Variants in CDC34 observed in about 807,000 individuals in gnomAD.
The protein encoded by CDC34 is cell division cycle 34, ubiquitin conjugating enzyme, also known as ubiquitin-conjugating enzyme E2 R1.
CDC34 carries 18 observed loss-of-function variants against 26.8 expected under a neutral mutation model. The observed-to-expected ratio is 0.67, with a 90% CI of 0.47 to 1.00. CDC34 has a LOEUF of 1.00. Ranked by LOEUF, CDC34 falls within the 50% of genes least tolerant of loss-of-function variation. CDC34 has a pLI of 0.00. For missense variants in CDC34, 280 were observed against 334.5 expected, an observed-to-expected ratio of 0.84 and a Z score of 1.27; for synonymous variants, 178 against 147.5, an observed-to-expected ratio of 1.21 and a Z score of -1.50.
intron 1 of CDC34, among the ~76,000 whole-genome samples, chr19:535,452 G>T (rs1159336226): frequency 6.6e-6 from 1 of 152,234 alleles, no homozygotes; most frequent in Non-Finnish European, 1.5e-5. Context: ...CATCCAAGGG[G>T]AGCCTGGAGC....
rs17425573 is a variant in CDC34, at chr19:537,718, C to T, written c.497+571C>T. Among the ~76,000 whole-genome samples, 136 of 132,458 alleles carry T rather than the reference C, an allele frequency of 1.0e-3. 1 individual carries two copies. In the East Asian group the frequency reaches 0.026, roughly 25 times the overall value. 86.9% of individuals were successfully genotyped at this position (132,458 alleles called of 152,430 possible). On this transcript the variant is annotated intron_variant, in intron 4 of 4. Coordinates refer to ENST00000215574, the MANE Select transcript of CDC34 (RefSeq NM_004359.2). ...TTGCCTAGGCTGCAGTGCAGTGGTG[C>T]GATCTCGGCTCACTGCAGCCTCCAC...
chr19:537,512 C>T (rs1302966852), intron 4 of CDC34, among the ~76,000 whole-genome samples: 2 of 152,108 alleles, frequency 1.3e-5, no homozygotes, highest in African/African-American at 2.4e-5. Flanking sequence ...GTCACCACGC[C>T]CGGCTAATTT....
At chr19:541,083 G>A in intron 4 of CDC34, 1 of 450,048 alleles carries the variant, frequency 2.2e-6, no homozygotes, top group Non-Finnish European at 3.9e-6. Flanking sequence ...TTGTGCTTCG[G>A]GGCGGGGCAG....
Position 539,057 on chromosome 19 carries a change from A to G in CDC34, c.497+1910A>G, listed in dbSNP as rs1979893842. 5 of 958,690 alleles carry G rather than the reference A, an allele frequency of 5.2e-6. No individual in the cohort carries two copies. The South Asian group carries it at 1.9e-4, about 37-fold the overall frequency. 59.4% of individuals were successfully genotyped at this position (958,690 alleles called of 1,614,324 possible). ...CAAAACTCCCTGTGGGCCAACACAC[A>G]TGTGCCATGTGGACTCTGCTGTGGT... is the stretch of plus-strand genomic sequence containing the variant. On this transcript the variant is annotated intron_variant, in intron 4 of 4. Coordinates refer to ENST00000215574, the MANE Select transcript of CDC34 (RefSeq NM_004359.2).
Position 535,975 on chromosome 19 carries a change from G to C in CDC34, c.264+52G>C, listed in dbSNP as rs1161573352. The C allele has an allele frequency of 2.0e-6, 3 of 1,524,914 alleles. No homozygotes were observed. The Admixed American group carries it at 5.0e-5, about 25-fold the overall frequency. The allele number at this position is 1,524,914 out of a possible 1,614,324, so 94.5% of individuals were successfully genotyped here. On this transcript the variant is annotated intron_variant, in intron 2 of 4. Coordinates refer to ENST00000215574, the MANE Select transcript of CDC34 (RefSeq NM_004359.2). ...GTCCTCATCCTCCGGGACCCAGGGTGCTGGGAGCCTCACGTCCTCATCCTT... is the reference window on the plus strand; with the variant it reads ...GTCCTCATCCTCCGGGACCCAGGGTCCTGGGAGCCTCACGTCCTCATCCTT...
chr19:536,982 GCCGC>G, intron 3 of CDC34, 27 bp from the exon 4 acceptor site: 1 of 1,612,834 alleles, frequency 6.2e-7, no homozygotes, highest in Admixed American at 1.7e-5. Context: ...GGTGCCCCGG[GCCGC>G]CCCACTCCGA....
chr19:533,692 T>C (rs17841737), intron 1 of CDC34, among the ~76,000 whole-genome samples: 2,457 of 152,320 alleles, frequency 0.016, 32 homozygotes, highest in Non-Finnish European at 0.021. Context: ...TTGCCAGGGA[T>C]TGTGGGCAGA....
chr19:532,635 T>C (rs1979549889), intron 1 of CDC34, among the ~76,000 whole-genome samples: 1 of 152,020 alleles, frequency 6.6e-6, no homozygotes, highest in African/African-American at 2.4e-5. Flanking sequence ...GAGGCCAGCC[T>C]GGGGGTGGCT....
chr19:541,625 T>A lies in CDC34; in HGVS notation c.*73T>A. The A allele has an allele frequency of 6.8e-7, 1 of 1,460,366 alleles. No individual in the cohort carries two copies. The highest frequency in any genetic ancestry group is 1.4e-5 in the South Asian group (1 of 70,570). The allele number at this position is 1,460,366 out of a possible 1,614,324, so 90.5% of individuals were successfully genotyped here. ...GTGGCTCCTTAGACGACAGACTACC[T>A]CACGGAGGTTTTGTGCTGGTCCCCG... On this transcript the variant is annotated 3_prime_UTR_variant, in exon 5 of 5. Coordinates refer to ENST00000215574, the MANE Select transcript of CDC34 (RefSeq NM_004359.2).
chr19:539,387 C>A (rs1210563852), intron 4 of CDC34, among the ~76,000 whole-genome samples: 1 of 151,902 alleles, frequency 6.6e-6, no homozygotes, highest in African/African-American at 2.4e-5. Context: ...CCTGCGTCTC[C>A]CCACTGCTGC....
Position 537,161 on chromosome 19 carries a change from G to A in CDC34, c.497+14G>A. ...AGACATCATCCGGTGAGGGCGGGCG[G>A]GGGCGTCACGGGAGGAGAGACTCAG... On this transcript the variant is annotated intron_variant, in intron 4 of 4. Coordinates refer to ENST00000215574, the MANE Select transcript of CDC34 (RefSeq NM_004359.2). The A allele has an allele frequency of 6.2e-7, 1 of 1,611,758 alleles. No homozygotes were observed. The highest frequency in any genetic ancestry group is 1.1e-5 in the South Asian group (1 of 90,992).
Position 541,568 on chromosome 19 carries a change from C to G in CDC34, c.*16C>G, listed in dbSNP as rs778649386. 1 of 1,553,024 alleles carries G rather than the reference C, an allele frequency of 6.4e-7. No homozygotes were observed. Among genetic ancestry groups the G allele is most frequent in the South Asian group, 1.2e-5 (1 of 83,010 alleles). On this transcript the variant is annotated 3_prime_UTR_variant, in exon 5 of 5. Transcript: ENST00000215574. ...GGAGTCCTGACACCACCAGAATAAACTTGCCGAGTTTACCTCACTAGGGCC... is the reference window on the plus strand; with the variant it reads ...GGAGTCCTGACACCACCAGAATAAAGTTGCCGAGTTTACCTCACTAGGGCC...
intron 4 of CDC34, chr19:538,850 A>G (rs1421259189): frequency 4.1e-6 from 4 of 984,632 alleles, no homozygotes; most frequent in Non-Finnish European, 3.6e-6. Context: ...TGGCCTCTGG[A>G]GGTCACAGGG....
chr19:536,399 C>G, intron 3 of CDC34, 59 bp downstream of exon 3: 3 of 1,298,186 alleles, frequency 2.3e-6, no homozygotes, highest in South Asian at 2.6e-5. Context: ...GGCTCCGTCC[C>G]GTATCCACCC....
At position 539,854 on chromosome 19, in the gene CDC34, G is replaced by A. The variant is rs184453203; in HGVS notation, c.498-1485G>A. ...AGGTGGAGCCGGGGGCAGGTTCCTC[G>A]TAGGTCCTGGTGTGCGCGGTGCAGC... On this transcript the variant is annotated intron_variant, in intron 4 of 4. Transcript: ENST00000215574. Among the ~76,000 whole-genome samples, 45 of 152,312 alleles carry A rather than the reference G, an allele frequency of 3.0e-4. No individual in the cohort carries two copies. The East Asian group carries it at 3.7e-3, about 12-fold the overall frequency.
At position 541,098 on chromosome 19, in the gene CDC34, G is replaced by A. The variant is rs1236789736; in HGVS notation, c.498-241G>A. Reference sequence around the variant, plus strand: ...TTGTGCTTCGGGGCGGGGCAGGCGGGTGTGACTGCACTGCGCCCGTCCAGC... The same window carrying A: ...TTGTGCTTCGGGGCGGGGCAGGCGGATGTGACTGCACTGCGCCCGTCCAGC... On this transcript the variant is annotated intron_variant, in intron 4 of 4. Coordinates refer to ENST00000215574, the MANE Select transcript of CDC34 (RefSeq NM_004359.2). 1.8e-4 allele frequency: 88 copies of A among 490,640 alleles called. No homozygotes were observed. In the South Asian group the frequency reaches 2.5e-3, roughly 14 times the overall value. 30.4% of individuals were successfully genotyped at this position (490,640 alleles called of 1,614,324 possible).
chr19:541,659 GGTT>G lies in CDC34; in HGVS notation c.*111_*113del. On this transcript the variant is annotated 3_prime_UTR_variant, in exon 5 of 5. Transcript: ENST00000215574. ...TTTTGTGCTGGTCCCCGTCTCCTCT[GGTT>G]GTTTCGTTTTGGCTTTTTCTCCCTC... 7.6e-7 allele frequency: 1 copy of G among 1,319,038 alleles called. No individual in the cohort carries two copies. Among genetic ancestry groups the G allele is most frequent in the Non-Finnish European group, 1.0e-6 (1 of 988,806 alleles). 81.7% of individuals were successfully genotyped at this position (1,319,038 alleles called of 1,614,324 possible). A position where few individuals can be genotyped will look rare whatever the true frequency, so the allele number is the denominator to read the frequency against.
intron 1 of CDC34, among the ~76,000 whole-genome samples, chr19:535,569 T>A (rs889959654): frequency 6.6e-6 from 1 of 152,130 alleles, no homozygotes; most frequent in African/African-American, 2.4e-5. Context: ...AGTGCCCACG[T>A]TCCCCAGCAG....
At chr19:533,540 C>T (rs969789887) in intron 1 of CDC34, among the ~76,000 whole-genome samples, 1 of 152,224 alleles carries the variant, frequency 6.6e-6, no homozygotes, top group Admixed American at 6.5e-5. Flanking sequence ...GTTTTAGCAG[C>T]TCCTCCGCCA....
Sources: gnomAD v4.1 joint callset for allele counts (sites outside exome capture counted in the v4.1 genomes callset) on GRCh38, gnomAD v4.1.1 for gene constraint, MANE v1.5 for transcripts, NCBI Gene and HGNC (gene_info 2026-07-23, HGNC 2026-07-21) for gene names.